TMBIM1: variants seen among roughly 807,000 people sequenced by gnomAD.
TMBIM1 encodes the protein protein lifeguard 3.
TMBIM1 carries 34 observed loss-of-function variants against 45.1 expected under a neutral mutation model. That is an observed-to-expected ratio of 0.75 (90% confidence interval 0.57 to 1.00). The LOEUF (loss-of-function observed/expected upper bound fraction) is 1.00. Ranked by LOEUF, TMBIM1 falls within the 50% of genes least tolerant of loss-of-function variation. The pLI, the probability that TMBIM1 is intolerant of heterozygous loss-of-function variation, is 0.00. For missense variants in TMBIM1, 374 were observed against 402.4 expected (o/e 0.93, Z 0.60); for synonymous variants, 157 against 153.5 (o/e 1.02, Z -0.17).
At chr2:218,275,767 T>G (rs1265288148) in intron 11 of TMBIM1, 146 bp from the exon 12 acceptor site, 12 of 1,070,202 alleles carry the variant, frequency 1.1e-5, no homozygotes, top group Non-Finnish European at 1.6e-5. Flanking sequence ...GGCTCTATAC[T>G]GTAGCTGCTC....
At position 218,276,938 on chromosome 2, in the gene TMBIM1, C is replaced by CA; in HGVS notation, c.735+65dup. 4 of 1,387,556 alleles carry CA rather than the reference C, an allele frequency of 2.9e-6. No homozygotes were observed. The Admixed American group carries it at 5.3e-5, about 18-fold the overall frequency. The allele number at this position is 1,387,556 out of a possible 1,614,324, so 86.0% of individuals were successfully genotyped here. The stretch of plus-strand genomic sequence containing the variant: ...CGGGGACCTTTGGGGCCTGCGAGAC[C>CA]ATGCTATATAGGAAGTCTGCCCTGA... On this transcript the variant is annotated intron_variant, in intron 10 of 11. Coordinates refer to ENST00000258412, the MANE Select transcript of TMBIM1 (RefSeq NM_022152.6).
intron 2 of TMBIM1, chr2:218,280,805 C>CTTTTTTTTTTT (rs950294415): frequency 9.6e-6 from 1 of 104,040 alleles, no homozygotes; most frequent in Non-Finnish European, 1.8e-5. Flanking sequence ...ACCTCATTTC[C>CTTTTTTTTTTT]TTTTTTTTTT....
At position 218,280,108 on chromosome 2, in the gene TMBIM1, T is replaced by C. The variant is rs1263924860; in HGVS notation, c.221A>G (p.Asp74Gly). 2 of 1,614,012 alleles carry C rather than the reference T, an allele frequency of 1.2e-6. No homozygotes were observed. Among genetic ancestry groups the C allele is most frequent in the East Asian group, 2.2e-5 (1 of 44,876 alleles). ...PMNYGPGHGYDGEERAVSDSF... is the reference protein window; with the variant it reads ...PMNYGPGHGYGGEERAVSDSF... ...ATCACTCACTGCTCTCTCCTCCCCATCATAGCCATGGCCTGGGCCTAGGGA... is the reference window on the plus strand; with the variant it reads ...ATCACTCACTGCTCTCTCCTCCCCACCATAGCCATGGCCTGGGCCTAGGGA... The change falls in exon 3 of 12, where the codon GAT becomes GGT. Residue 74 changes from aspartate (D) to glycine (G), a missense_variant. Physicochemically the swap from Asp to Gly is moderately conservative, Grantham distance 94. Coordinates refer to ENST00000258412, the MANE Select transcript of TMBIM1 (RefSeq NM_022152.6).
chr2:218,276,167 G>T, intron 10 of TMBIM1, 88 bp from the exon 11 acceptor site: 3 of 1,437,782 alleles, frequency 2.1e-6, no homozygotes, highest in South Asian at 2.4e-5. Context: ...ATAGTGGCAT[G>T]AGAGTGGGTA....
intron 1 of TMBIM1, among the ~76,000 whole-genome samples, chr2:218,292,040 C>T (rs1354194520): frequency 6.6e-6 from 1 of 152,072 alleles, no homozygotes; most frequent in Non-Finnish European, 1.5e-5. Context: ...CTGGCTGTCT[C>T]CCCTCCCTCT....
chr2:218,277,057 T>G lies in TMBIM1; in HGVS notation c.682A>C (p.Ile228Leu). 6.2e-7 allele frequency: 1 copy of G among 1,614,076 alleles called. No individual in the cohort carries two copies. Among genetic ancestry groups the G allele is most frequent in the Non-Finnish European group, 8.5e-7 (1 of 1,179,974 alleles). Residue 228 changes from isoleucine to leucine, a missense_variant, in exon 10 of 12, where the codon ATT becomes CTT. Coordinates refer to ENST00000258412, the MANE Select transcript of TMBIM1 (RefSeq NM_022152.6). ...ACAATCCCAGTCACCAGGAGCACAA[T>G]TCCCAGGACACAGAAGAGGCCTGTG... ...SCTGLFCVLG[I>L]VLLVTGIVTS...
chr2:218,275,684 TCAG>T lies in TMBIM1; in HGVS notation c.790-66_790-64del. The T allele has an allele frequency of 5.1e-6, 8 of 1,565,442 alleles. No homozygotes were observed. The Admixed American group carries it at 1.5e-4, about 30-fold the overall frequency. On this transcript the variant is annotated intron_variant, in intron 11 of 11. Coordinates refer to ENST00000258412, the MANE Select transcript of TMBIM1 (RefSeq NM_022152.6). ...ATCAGTGTCCAGAGCTCATTTTTGG[TCAG>T]CAGATTTGTCTTGGGGGCCTATGCG...
chr2:218,282,962 A>C (rs1692175726), intron 1 of TMBIM1, among the ~76,000 whole-genome samples: 1 of 152,118 alleles, frequency 6.6e-6, no homozygotes, highest in South Asian at 2.1e-4. Flanking sequence ...CTTGCTAGGG[A>C]AGAGAGAGTG....
At position 218,277,963 on chromosome 2, in the gene TMBIM1, G is replaced by A. The variant is rs1691415398; in HGVS notation, c.485C>T (p.Pro162Leu). 15 of 1,614,202 alleles carry A rather than the reference G, an allele frequency of 9.3e-6. No homozygotes were observed. The highest frequency in any genetic ancestry group is 1.3e-5 in the Non-Finnish European group (15 of 1,180,030). ...ACCQGPRRRF[P>L]WNIILLTLFT... Reference sequence around the variant, plus strand: ...AAGGGTCAGCAGAATGATGTTCCATGGGAAACGGCGTCTGAAGGGAAAGAG... The same window carrying A: ...AAGGGTCAGCAGAATGATGTTCCATAGGAAACGGCGTCTGAAGGGAAAGAG... Residue 162 changes from proline (P) to leucine (L), a missense_variant, in exon 7 of 12, where the codon CCA becomes CTA. Coordinates refer to ENST00000258412, the MANE Select transcript of TMBIM1 (RefSeq NM_022152.6).
chr2:218,280,393 TG>T, intron 2 of TMBIM1: 7 of 400,228 alleles, frequency 1.7e-5, no homozygotes, highest in South Asian at 2.4e-5. Context: ...GGGGGTTCAC[TG>T]GGGGGTCACG....
At chr2:218,276,832 T>A (rs1691263762) in intron 10 of TMBIM1, among the ~76,000 whole-genome samples, 172 bp downstream of exon 10, 1 of 152,164 alleles carries the variant, frequency 6.6e-6, no homozygotes, top group South Asian at 2.1e-4. Context: ...ACAGAGAGTC[T>A]ACCCTCACCC....
rs539653809 is a variant in TMBIM1, at chr2:218,277,648, G to A, written c.536C>T (p.Thr179Met). Reference sequence around the variant, plus strand: ...CTGAATGTACCTGGAAATGGTGCCCGTCATGAAGCCCATGGCAAAAGTCTA... The same window carrying A: ...CTGAATGTACCTGGAAATGGTGCCCATCATGAAGCCCATGGCAAAAGTCTA... ...TLFTFAMGFMTGTISSMYQTK... is the reference protein window; with the variant it reads ...TLFTFAMGFMMGTISSMYQTK... Residue 179 changes from threonine (T) to methionine (M), a missense_variant, in exon 8 of 12, where the codon ACG (threonine) becomes ATG (methionine). Physicochemically the swap from Thr to Met is moderately conservative, Grantham distance 81 (BLOSUM62 -1). Transcript: ENST00000258412. 21 of 1,614,154 alleles carry A rather than the reference G, an allele frequency of 1.3e-5. No homozygotes were observed. Among genetic ancestry groups the A allele is most frequent in the Middle Eastern group, 1.6e-4 (1 of 6,062 alleles).
At chr2:218,279,438 C>A in intron 3 of TMBIM1, 85 bp from the exon 4 acceptor site, 1 of 1,261,002 alleles carries the variant, frequency 7.9e-7, no homozygotes, top group East Asian at 2.5e-5. Flanking sequence ...ACTTTCCTCC[C>A]ACTCAAGAAC....
chr2:218,278,485 C>A, intron 6 of TMBIM1, 30 bp downstream of exon 6: 1 of 1,611,416 alleles, frequency 6.2e-7, no homozygotes, highest in Non-Finnish European at 8.5e-7. Context: ...CCTGTCACCC[C>A]TCTCACTGTG....
At chr2:218,277,539 C>A in intron 8 of TMBIM1, 86 bp from the exon 9 acceptor site, 1 of 1,607,284 alleles carries the variant, frequency 6.2e-7, no homozygotes. Flanking sequence ...GGGACCTGCC[C>A]AGAATCCACC....
In TMBIM1 at chr2:218,277,478, C is replaced by G. The variant is rs755258967; in HGVS notation, c.552-25G>C. 4 of 1,613,312 alleles carry G rather than the reference C, an allele frequency of 2.5e-6. No individual in the cohort carries two copies. In the South Asian group the frequency reaches 4.4e-5, roughly 18 times the overall value. ...ACTGGGGAGAAGCAGGAGTTACAGA[C>G]AAGAGGCATTAAGCCACGTATGAAT... is the stretch of plus-strand genomic sequence containing the variant. On this transcript the variant is annotated intron_variant, in intron 8 of 11. Coordinates refer to ENST00000258412, the MANE Select transcript of TMBIM1 (RefSeq NM_022152.6).
Sources: gnomAD v4.1 joint callset for allele counts (sites outside exome capture counted in the v4.1 genomes callset) on GRCh38, gnomAD v4.1.1 for gene constraint, MANE v1.5 for transcripts, NCBI Gene and HGNC (gene_info 2026-07-23, HGNC 2026-07-21) for gene names.